Variants in MAP3K5 observed in about 807,000 individuals in gnomAD.
MAP3K5 encodes the protein ASK-1.
Under a neutral mutation model 158.7 loss-of-function variants are expected in MAP3K5, and 56 were observed. The ratio of observed to expected loss-of-function variants is 0.35; its 90% CI spans 0.28 to 0.44. The LOEUF is 0.44. Among genes scored for constraint, MAP3K5 ranks in the 20% least tolerant of loss-of-function variants. The pLI, the probability that MAP3K5 is intolerant of heterozygous loss-of-function variation, is 1.00. For missense variants in MAP3K5, 1,294 were observed against 1,674.8 expected (o/e 0.77, Z 3.97); for synonymous variants, 579 against 601.7 (o/e 0.96, Z 0.55).
intron 28 of MAP3K5, among the ~76,000 whole-genome samples, chr6:136,559,993 C>T (rs982528372): frequency 7.3e-5 from 11 of 151,272 alleles, no homozygotes; most frequent in African/African-American, 2.2e-4. Context: ...TAAGGCGGCC[C>T]GAAATTCTAC....
chr6:136,666,045 T>A (rs1779218175), intron 8 of MAP3K5, among the ~76,000 whole-genome samples: 1 of 152,316 alleles, frequency 6.6e-6, no homozygotes, highest in South Asian at 2.1e-4. Context: ...GATGGAAGCA[T>A]CATCTTGTTA....
chr6:136,704,357 G>A (rs530534328), intron 3 of MAP3K5, among the ~76,000 whole-genome samples: 2 of 152,086 alleles, frequency 1.3e-5, no homozygotes, highest in Non-Finnish European at 2.9e-5. Context: ...CACTGAGGTT[G>A]GGGAATCACG....
chr6:136,721,032 G>A (rs1781726257), intron 1 of MAP3K5, among the ~76,000 whole-genome samples: 1 of 152,198 alleles, frequency 6.6e-6, no homozygotes, highest in East Asian at 1.9e-4. Context: ...TCCTGCCTCG[G>A]CTTTCCAAAA....
chr6:136,724,883 T>C (rs888120102), intron 1 of MAP3K5, among the ~76,000 whole-genome samples: 7 of 152,282 alleles, frequency 4.6e-5, no homozygotes, highest in South Asian at 4.1e-4. Flanking sequence ...TGATACAAAA[T>C]AGATCCTTCA....
chr6:136,757,736 G>A lies in MAP3K5; in HGVS notation c.448+33974C>T, dbSNP rs528818731. On this transcript the variant is annotated intron_variant, in intron 1 of 29. Coordinates refer to ENST00000359015, the MANE Select transcript of MAP3K5 (RefSeq NM_005923.4). Reference sequence around the variant, plus strand: ...CAAGTAGCTGGGATTACAGGCATGCGCCACCACACCCAGCTATTTTTTGTT... The same window carrying A: ...CAAGTAGCTGGGATTACAGGCATGCACCACCACACCCAGCTATTTTTTGTT... Among the ~76,000 whole-genome samples the A allele has an allele frequency of 4.0e-5, 6 of 151,894 alleles. No individual in the cohort carries two copies. In the South Asian group the frequency reaches 1.2e-3, roughly 32 times the overall value.
At chr6:136,772,717 C>CA (rs1219370671) in intron 1 of MAP3K5, among the ~76,000 whole-genome samples, 1 of 152,084 alleles carries the variant, frequency 6.6e-6, no homozygotes, top group Non-Finnish European at 1.5e-5. Flanking sequence ...GCAAACTGAG[C>CA]AAAATAAATC....
At chr6:136,591,988 C>T (rs553065071) in intron 23 of MAP3K5, among the ~76,000 whole-genome samples, 185 bp downstream of exon 23, 3 of 152,298 alleles carry the variant, frequency 2.0e-5, no homozygotes, top group Admixed American at 1.3e-4. Flanking sequence ...AATCATTTCC[C>T]TATTTTCATA....
At chr6:136,654,664 T>C (rs917001929) in intron 10 of MAP3K5, among the ~76,000 whole-genome samples, 5 of 152,298 alleles carry the variant, frequency 3.3e-5, no homozygotes, top group African/African-American at 1.2e-4. Context: ...CAGGAAAGTC[T>C]CAAACTCCCA....
At chr6:136,733,512 G>A (rs1459672002) in intron 1 of MAP3K5, among the ~76,000 whole-genome samples, 5 of 152,086 alleles carry the variant, frequency 3.3e-5, no homozygotes, top group Non-Finnish European at 7.4e-5. Context: ...TTGCTTATTA[G>A]AAAAGTACAA....
intron 15 of MAP3K5, among the ~76,000 whole-genome samples, chr6:136,616,755 GTCTC>G (rs972739071): frequency 2.0e-5 from 3 of 151,592 alleles, no homozygotes; most frequent in Non-Finnish European, 2.9e-5. Flanking sequence ...TTGAGACAGG[GTCTC>G]TCTCTGTCAC....
At chr6:136,623,093 A>T in intron 14 of MAP3K5, 112 bp from the exon 15 acceptor site, 1 of 941,772 alleles carries the variant, frequency 1.1e-6, no homozygotes, top group Non-Finnish European at 1.6e-6. Context: ...TGGCATTAAC[A>T]GGCTGAAGTT....
intron 26 of MAP3K5, among the ~76,000 whole-genome samples, chr6:136,565,720 C>CAATAT (rs760061502): frequency 2.0e-5 from 3 of 152,156 alleles, no homozygotes. Flanking sequence ...TTAGAAGGAC[C>CAATAT]AATATGGACA....
intron 4 of MAP3K5, among the ~76,000 whole-genome samples, chr6:136,698,275 G>C (rs1191022427): frequency 6.6e-6 from 1 of 152,120 alleles, no homozygotes; most frequent in Non-Finnish European, 1.5e-5. Flanking sequence ...GCGGTTAGTA[G>C]ACTTTTTAAT....
At chr6:136,786,960 C>A (rs6907447) in intron 1 of MAP3K5, among the ~76,000 whole-genome samples, 1 of 152,104 alleles carries the variant, frequency 6.6e-6, no homozygotes, top group East Asian at 1.9e-4. Context: ...TTACTCACTC[C>A]GTTAGGTTGA....
chr6:136,577,772 C>A (rs1376154720), intron 25 of MAP3K5, among the ~76,000 whole-genome samples: 1 of 152,148 alleles, frequency 6.6e-6, no homozygotes, highest in Non-Finnish European at 1.5e-5. Flanking sequence ...CACAGCTCTT[C>A]CTAATATATC....
In MAP3K5 at chr6:136,737,106, G is replaced by A. The variant is rs115620198; in HGVS notation, c.449-16517C>T. ...GTCTCTTTAAAAGAAGGCTATCGACGGAGGCCAATATCCTAAGCAAATTAC... is the reference window on the plus strand; with the variant it reads ...GTCTCTTTAAAAGAAGGCTATCGACAGAGGCCAATATCCTAAGCAAATTAC... On this transcript the variant is annotated intron_variant, in intron 1 of 29. Coordinates refer to ENST00000359015, the MANE Select transcript of MAP3K5 (RefSeq NM_005923.4). 9.2e-3 allele frequency among the ~76,000 whole-genome samples: 1,347 copies of A among 146,092 alleles called. 19 individuals carry two copies. The highest frequency in any genetic ancestry group is 0.032 in the African/African-American group (1,233 of 37,948).
chr6:136,616,359 C>A (rs1776565550), intron 15 of MAP3K5, among the ~76,000 whole-genome samples: 1 of 142,932 alleles, frequency 7.0e-6, no homozygotes, highest in African/African-American at 2.7e-5. Context: ...GGCTGGGGTG[C>A]AATGGCGTGA....
At chr6:136,600,120 A>G (rs1191217512) in intron 21 of MAP3K5, among the ~76,000 whole-genome samples, 2 of 151,928 alleles carry the variant, frequency 1.3e-5, no homozygotes, top group African/African-American at 4.8e-5. Flanking sequence ...CACAATGAAC[A>G]TTAAGCCCCC....
chr6:136,713,411 T>C (rs1351613737), intron 2 of MAP3K5, among the ~76,000 whole-genome samples: 1 of 152,206 alleles, frequency 6.6e-6, no homozygotes, highest in Non-Finnish European at 1.5e-5. Context: ...TTACCCAGTC[T>C]ATACATAATT....
Sources: gnomAD v4.1 joint callset for allele counts (sites outside exome capture counted in the v4.1 genomes callset) on GRCh38, gnomAD v4.1.1 for gene constraint, MANE v1.5 for transcripts, NCBI Gene and HGNC (gene_info 2026-07-23, HGNC 2026-07-21) for gene names.